KIAA0232: variants seen among roughly 807,000 people sequenced by gnomAD.
The protein encoded by KIAA0232 is KIAA0232, also known as uncharacterized protein KIAA0232.
Under a neutral mutation model 122.0 loss-of-function variants are expected in KIAA0232, and 27 were observed. The observed-to-expected ratio is 0.22, with a 90% CI of 0.16 to 0.31. The LOEUF is 0.31. KIAA0232 is among the 10% of genes least tolerant of loss of function. The pLI is 1.00. For missense variants in KIAA0232, 1,551 were observed against 1,634.2 expected (o/e 0.95, Z 0.88); for synonymous variants, 613 against 587.6 (o/e 1.04, Z -0.63).
chr4:6,870,631 T>C (rs1721426958), intron 7 of KIAA0232, among the ~76,000 whole-genome samples: 1 of 151,740 alleles, frequency 6.6e-6, no homozygotes, highest in African/African-American at 2.4e-5. Flanking sequence ...GGCAAAACCC[T>C]GTCTCTACTA....
At chr4:6,828,297 C>T (rs1718801984) in intron 3 of KIAA0232, among the ~76,000 whole-genome samples, 1 of 152,134 alleles carries the variant, frequency 6.6e-6, no homozygotes, top group African/African-American at 2.4e-5. Flanking sequence ...TCGCTTGAGC[C>T]TGGGGGGTGG....
chr4:6,841,657 A>G (rs1391146024), intron 3 of KIAA0232, among the ~76,000 whole-genome samples: 1 of 152,214 alleles, frequency 6.6e-6, no homozygotes, highest in South Asian at 2.1e-4. Context: ...GATCTTGTTT[A>G]GAATATAGAG....
intron 2 of KIAA0232, among the ~76,000 whole-genome samples, chr4:6,823,132 T>G (rs1402506779): frequency 6.6e-6 from 1 of 151,910 alleles, no homozygotes; most frequent in East Asian, 1.9e-4. Flanking sequence ...GGCTGCATAG[T>G]ATTCCATGGT....
intron 2 of KIAA0232, among the ~76,000 whole-genome samples, chr4:6,805,121 T>A (rs1232378184): frequency 6.6e-6 from 1 of 152,218 alleles, no homozygotes; most frequent in East Asian, 1.9e-4. Flanking sequence ...TTGGGGAAAC[T>A]GTGTAGCAAG....
intron 2 of KIAA0232, among the ~76,000 whole-genome samples, chr4:6,823,064 T>C (rs1266049346): frequency 1.3e-5 from 2 of 151,676 alleles, no homozygotes; most frequent in Non-Finnish European, 2.9e-5. Context: ...TTACTGAGAA[T>C]GATGATTTCC....
intron 1 of KIAA0232, among the ~76,000 whole-genome samples, chr4:6,797,633 G>A (rs1717186957): frequency 6.6e-6 from 1 of 151,818 alleles, no homozygotes; most frequent in African/African-American, 2.4e-5. Context: ...GGGTGTAGTG[G>A]TGTATGCCCA....
intron 1 of KIAA0232, among the ~76,000 whole-genome samples, chr4:6,799,540 G>A (rs747307143): frequency 2.0e-5 from 3 of 151,888 alleles, no homozygotes; most frequent in African/African-American, 4.8e-5. Context: ...TAAAATTCAC[G>A]TCTACTAGAA....
intron 7 of KIAA0232, among the ~76,000 whole-genome samples, chr4:6,871,307 G>A (rs571098957): frequency 1.3e-5 from 2 of 152,152 alleles, no homozygotes; most frequent in East Asian, 3.9e-4. Context: ...GGTGGTTCCC[G>A]CCTGTAGTCC....
In KIAA0232 at chr4:6,797,012, C is replaced by T. The variant is rs138266118; in HGVS notation, c.-353-7511C>T. ...GTTGGAGAGCCTTCCTCATGCAGCA[C>T]GTCGACTTCTTTTTAATATGTTGGT... is the stretch of plus-strand genomic sequence containing the variant. On this transcript the variant is annotated intron_variant, in intron 1 of 9. Transcript: ENST00000307659. 1.1e-4 allele frequency among the ~76,000 whole-genome samples: 16 copies of T among 152,344 alleles called. No homozygotes were observed. In the East Asian group the frequency reaches 3.1e-3, roughly 29 times the overall value.
chr4:6,831,821 C>T (rs563569715), intron 3 of KIAA0232, among the ~76,000 whole-genome samples: 2 of 152,196 alleles, frequency 1.3e-5, no homozygotes, highest in Non-Finnish European at 2.9e-5. Context: ...TCCCTCTGGC[C>T]CTAAGAGTTC....
At chr4:6,836,885 C>A (rs910042669) in intron 3 of KIAA0232, among the ~76,000 whole-genome samples, 1 of 152,204 alleles carries the variant, frequency 6.6e-6, no homozygotes, top group Non-Finnish European at 1.5e-5. Flanking sequence ...AGATTAACAG[C>A]ATCCCAAGGC....
chr4:6,836,546 C>CTT (rs1173281370), intron 3 of KIAA0232, among the ~76,000 whole-genome samples: 31 of 82,100 alleles, frequency 3.8e-4, no homozygotes, highest in Non-Finnish European at 7.0e-4. Context: ...TTTTTCTTTT[C>CTT]TTTTTTTTTT....
chr4:6,787,061 G>C (rs1032424593), intron 1 of KIAA0232, among the ~76,000 whole-genome samples: 1 of 151,032 alleles, frequency 6.6e-6, no homozygotes, highest in Non-Finnish European at 1.5e-5. Flanking sequence ...CACGCCTATA[G>C]TCCCAGCTAC....
At chr4:6,867,876 G>A (rs540602270) in intron 7 of KIAA0232, among the ~76,000 whole-genome samples, 3 of 152,338 alleles carry the variant, frequency 2.0e-5, no homozygotes, top group South Asian at 4.1e-4. Flanking sequence ...GACAGGCAAA[G>A]CATTTTCCAC....
At chr4:6,865,079 T>A (rs1375821583) in intron 7 of KIAA0232, among the ~76,000 whole-genome samples, 1 of 144,594 alleles carries the variant, frequency 6.9e-6, no homozygotes, top group African/African-American at 2.4e-5. Flanking sequence ...ATGTTAAGGC[T>A]ATGGAATGAG....
rs530092694 is a variant in KIAA0232, at chr4:6,787,480, T to C, written c.-354+4639T>C. Among the ~76,000 whole-genome samples, 7 of 152,342 alleles carry C rather than the reference T, an allele frequency of 4.6e-5. No individual in the cohort carries two copies. The South Asian group carries it at 1.5e-3, about 32-fold the overall frequency. On this transcript the variant is annotated intron_variant, in intron 1 of 9. Transcript: ENST00000307659. ...TTTAAAGAGGCTATGCTTTGTGTAC[T>C]GCACATCCTTACACAGATACAAGGT...
chr4:6,881,844 G>A lies in KIAA0232; in HGVS notation c.*878G>A, dbSNP rs1474322848. The stretch of plus-strand genomic sequence containing the variant: ...ATTGAAACCCCCAAAACTTGAAATT[G>A]TGAACATTTGACATGCAGTAAAGGC... On this transcript the variant is annotated 3_prime_UTR_variant, in exon 10 of 10. Coordinates refer to ENST00000307659, the MANE Select transcript of KIAA0232 (RefSeq NM_014743.3). 2.6e-5 allele frequency: 4 copies of A among 152,664 alleles called. No individual in the cohort carries two copies. The highest frequency in any genetic ancestry group is 7.2e-5 in the African/African-American group (3 of 41,456). The allele number at this position is 152,664 out of a possible 1,614,324, so 9.5% of individuals were successfully genotyped here.
Position 6,855,964 on chromosome 4 carries a change from CGTTTTTAAGAGT to C in KIAA0232, c.370-1191_370-1180del, listed in dbSNP as rs1720546565. On this transcript the variant is annotated intron_variant, in intron 4 of 9. Coordinates refer to ENST00000307659, the MANE Select transcript of KIAA0232 (RefSeq NM_014743.3). The surrounding 1 kb of genome is among the most constrained non-coding windows in gnomAD (Gnocchi z 4.3). Reference sequence around the variant, plus strand: ...AGTGTTTATGACTAATATCTGCCATCGTTTTTAAGAGTGTTTTTAAAGGAAAGGGCAACTCTT... The same window carrying C: ...AGTGTTTATGACTAATATCTGCCATCGTTTTTAAAGGAAAGGGCAACTCTT... The C allele has an allele frequency of 1.7e-6, 1 of 575,032 alleles. No homozygotes were observed. The highest frequency in any genetic ancestry group is 6.3e-5 in the Admixed American group (1 of 15,754). The allele number at this position is 575,032 out of a possible 1,614,324, so 35.6% of individuals were successfully genotyped here. A position where few individuals can be genotyped will look rare whatever the true frequency, so the allele number is the denominator to read the frequency against.
At chr4:6,811,056 C>A (rs554995170) in intron 2 of KIAA0232, among the ~76,000 whole-genome samples, 4 of 152,268 alleles carry the variant, frequency 2.6e-5, no homozygotes, top group Admixed American at 2.6e-4. Context: ...TCTTAAAGAA[C>A]TGAAAATAGA....
Sources: gnomAD v4.1 joint callset for allele counts (sites outside exome capture counted in the v4.1 genomes callset) on GRCh38, gnomAD v4.1.1 for gene constraint, Gnocchi (gnomAD v3.1) non-coding constraint, MANE v1.5 for transcripts, NCBI Gene and HGNC (gene_info 2026-07-23, HGNC 2026-07-21) for gene names.